Variants in MCOLN2 observed in about 807,000 individuals in gnomAD.
The protein encoded by MCOLN2 is mucolipin-2.
In MCOLN2, 57 loss-of-function variants were observed where a neutral mutation model predicts 67.5. The ratio of observed to expected loss-of-function variants is 0.84; its 90% CI spans 0.68 to 1.05. The LOEUF (loss-of-function observed/expected upper bound fraction) is 1.05, where lower values mean the gene tolerates loss of function less well. MCOLN2 is among the 50% of genes least tolerant of loss of function. MCOLN2 has a pLI of 0.00. For synonymous variants in MCOLN2, 246 were observed against 233.3 expected (o/e 1.05, Z -0.50); for missense variants, 620 against 678.8 (o/e 0.91, Z 0.96).
intron 1 of MCOLN2, among the ~76,000 whole-genome samples, chr1:84,985,172 A>C (rs1650445460): frequency 6.6e-6 from 1 of 151,996 alleles, no homozygotes; most frequent in South Asian, 2.1e-4. Flanking sequence ...TGTGGTACAG[A>C]TTCTCTAGAA....
At chr1:84,967,765 GGA>G (rs1053016459) in intron 1 of MCOLN2, among the ~76,000 whole-genome samples, 1 of 57,808 alleles carries the variant, frequency 1.7e-5, no homozygotes, top group Non-Finnish European at 3.6e-5. Context: ...AGGAGAAAAA[GGA>G]GAGAGGGAGG....
chr1:84,961,704 C>T (rs1350078122), intron 2 of MCOLN2, among the ~76,000 whole-genome samples: 1 of 151,968 alleles, frequency 6.6e-6, no homozygotes, highest in African/African-American at 2.4e-5. Flanking sequence ...CAAAATGCAT[C>T]CTAGTCCCAC....
chr1:84,930,084 G>A (rs1661337922), intron 12 of MCOLN2, among the ~76,000 whole-genome samples: 2 of 152,052 alleles, frequency 1.3e-5, no homozygotes, highest in African/African-American at 4.8e-5. Context: ...GCAAGATGGT[G>A]AGACCCCATC....
intron 1 of MCOLN2, among the ~76,000 whole-genome samples, chr1:84,979,467 T>C (rs1006737306): frequency 2.0e-5 from 3 of 152,172 alleles, no homozygotes; most frequent in Non-Finnish European, 4.4e-5. Flanking sequence ...ATTAGAAAGA[T>C]CATTCATCAT....
rs1292372939 is a variant in MCOLN2 at position 84,965,620 on chromosome 1, A to G, written c.166T>C (p.Tyr56His). ...CACGGAATCTGGCGTCTGGCTCGGTATTTTTCACAAGGGCTCATGAAGTAA... is the reference window on the plus strand; with the variant it reads ...CACGGAATCTGGCGTCTGGCTCGGTGTTTTTCACAAGGGCTCATGAAGTAA... ...KFYFMSPCEKYRARRQIPWKL... is the reference protein window; with the variant it reads ...KFYFMSPCEKHRARRQIPWKL... Residue 56 changes from tyrosine (Y) to histidine (H), a missense_variant, in exon 2 of 14, where the codon TAC becomes CAC. By Grantham distance (83) the Tyr-to-His change is moderately conservative (BLOSUM62 2). Coordinates refer to ENST00000370608, the MANE Select transcript of MCOLN2 (RefSeq NM_153259.4). The G allele has an allele frequency of 1.9e-6, 3 of 1,614,050 alleles. No individual in the cohort carries two copies. The highest frequency in any genetic ancestry group is 3.3e-5 in the Admixed American group (2 of 60,010).
chr1:84,996,032 C>T (rs537021790), intron 1 of MCOLN2, among the ~76,000 whole-genome samples: 16 of 152,134 alleles, frequency 1.1e-4, no homozygotes, highest in African/African-American at 3.6e-4. Context: ...TTCACGGCAA[C>T]GGGAGTTTGA....
rs1553158932 is a variant in MCOLN2 at position 84,987,533 on chromosome 1, T to TATGTATACATAG, written c.77+9251_77+9262dup. On this transcript the variant is annotated intron_variant, in intron 1 of 13. Coordinates refer to ENST00000370608, the MANE Select transcript of MCOLN2 (RefSeq NM_153259.4). ...ATACATATGTATATATGTATACATCTATGTATACATAGATGTATACATCTA... is the reference window on the plus strand; with the variant it reads ...ATACATATGTATATATGTATACATCTATGTATACATAGATGTATACATAGATGTATACATCTA... Among the ~76,000 whole-genome samples, 4 of 95,224 alleles carry TATGTATACATAG rather than the reference T, an allele frequency of 4.2e-5. 1 individual carries two copies. The highest frequency in any genetic ancestry group is 1.9e-4 in the African/African-American group (4 of 21,150). The allele number at this position is 95,224 out of a possible 152,430, so 62.5% of individuals were successfully genotyped here. A position where few individuals can be genotyped will look rare whatever the true frequency, so the allele number is the denominator to read the frequency against.
chr1:84,937,616 G>T (rs1309289566), intron 11 of MCOLN2, 139 bp downstream of exon 11: 32 of 1,438,388 alleles, frequency 2.2e-5, no homozygotes, highest in African/African-American at 5.7e-5. Context: ...AAAAGAAAAA[G>T]AAAACTGATA....
intron 7 of MCOLN2, 99 bp downstream of exon 7, chr1:84,946,934 C>G (rs1217175087): frequency 1.6e-6 from 1 of 642,134 alleles, no homozygotes; most frequent in Non-Finnish European, 2.8e-6. Flanking sequence ...GGTTTTCTTC[C>G]TATTATCATG....
chr1:84,985,003 T>C (rs1006536497), intron 1 of MCOLN2, among the ~76,000 whole-genome samples: 5 of 151,480 alleles, frequency 3.3e-5, no homozygotes, highest in South Asian at 2.1e-4. Flanking sequence ...CAAAGAAAAA[T>C]TGAAATAAAA....
chr1:84,986,930 G>A (rs1451034203), intron 1 of MCOLN2, among the ~76,000 whole-genome samples: 1 of 152,044 alleles, frequency 6.6e-6, no homozygotes, highest in Non-Finnish European at 1.5e-5. Flanking sequence ...ACTGCTGATG[G>A]GAATGTAAAC....
intron 1 of MCOLN2, among the ~76,000 whole-genome samples, chr1:84,969,884 G>C (rs1214860087): frequency 6.6e-6 from 1 of 152,196 alleles, no homozygotes. Flanking sequence ...TCTGGAGAGA[G>C]GGGTGAGAGA....
chr1:84,970,942 G>C (rs1430301145), intron 1 of MCOLN2, among the ~76,000 whole-genome samples: 3 of 152,170 alleles, frequency 2.0e-5, no homozygotes, highest in Non-Finnish European at 4.4e-5. Context: ...AATGATAACT[G>C]ATGTTAGCAT....
At chr1:84,929,032 T>C (rs1661283257) in intron 13 of MCOLN2, among the ~76,000 whole-genome samples, 1 of 152,192 alleles carries the variant, frequency 6.6e-6, no homozygotes, top group Non-Finnish European at 1.5e-5. Context: ...CTTTGTCCAC[T>C]GAGGTCTAGA....
intron 7 of MCOLN2, among the ~76,000 whole-genome samples, chr1:84,941,272 G>A (rs982004858): frequency 4.6e-5 from 7 of 152,112 alleles, no homozygotes; most frequent in Non-Finnish European, 7.4e-5. Flanking sequence ...TGAGGTGGGC[G>A]GATCACGAGG....
At chr1:84,954,412 T>C (rs778516957) in intron 4 of MCOLN2, among the ~76,000 whole-genome samples, 13 of 152,198 alleles carry the variant, frequency 8.5e-5, no homozygotes, top group Non-Finnish European at 1.9e-4. Flanking sequence ...ATGATAGAAA[T>C]AGCAAAAACA....
intron 6 of MCOLN2, among the ~76,000 whole-genome samples, chr1:84,950,578 A>T (rs1373165754): frequency 1.3e-5 from 2 of 152,210 alleles, no homozygotes; most frequent in Non-Finnish European, 2.9e-5. Context: ...TCAATCTTCT[A>T]CCTTATGAAA....
At chr1:84,961,052 G>T (rs1649063501) in intron 2 of MCOLN2, among the ~76,000 whole-genome samples, 1 of 152,178 alleles carries the variant, frequency 6.6e-6, no homozygotes, top group Admixed American at 6.5e-5. Context: ...ATATACTCAG[G>T]AAATGAAATA....
chr1:84,965,499 T>C, intron 2 of MCOLN2, 50 bp downstream of exon 2: 1 of 1,581,122 alleles, frequency 6.3e-7, no homozygotes, highest in South Asian at 1.2e-5. Flanking sequence ...ATGAAAAGAG[T>C]TTTGTCTTGT....
Sources: allele counts gnomAD v4.1 joint callset (sites outside exome capture counted in the v4.1 genomes callset), GRCh38; gene constraint gnomAD v4.1.1; transcripts MANE v1.5; gene names NCBI Gene and HGNC (gene_info 2026-07-23, HGNC 2026-07-21).